FOXP2: variants seen among roughly 807,000 people sequenced by gnomAD.
FOXP2 encodes the protein forkhead box P2.
A neutral mutation model predicts 115.8 loss-of-function variants in FOXP2; 12 were observed. The ratio of observed to expected loss-of-function variants is 0.10; its 90% CI spans 0.07 to 0.17. FOXP2 has a LOEUF of 0.17. Among genes scored for constraint, FOXP2 ranks in the 10% least tolerant of loss-of-function variants. The pLI, the probability that FOXP2 is intolerant of heterozygous loss-of-function variation, is 1.00. For synonymous variants in FOXP2, 328 were observed against 297.7 expected, an observed-to-expected ratio of 1.10 and a Z score of -1.05; for missense variants, 629 against 843.5, an observed-to-expected ratio of 0.75 and a Z score of 3.15.
chr7:114,382,941 A>T (rs977404237), intron 2 of FOXP2, among the ~76,000 whole-genome samples: 1 of 151,268 alleles, frequency 6.6e-6, no homozygotes, highest in Non-Finnish European at 1.5e-5. Flanking sequence ...CACGCAAGTT[A>T]GCAAATGTCT....
chr7:114,348,491 T>G (rs1791401595), intron 2 of FOXP2, among the ~76,000 whole-genome samples: 1 of 152,052 alleles, frequency 6.6e-6, no homozygotes, highest in Admixed American at 6.6e-5. Context: ...AATGATGGTA[T>G]TCTTATGCAT....
chr7:114,553,999 A>G (rs1312399301), intron 3 of FOXP2, among the ~76,000 whole-genome samples: 2 of 152,074 alleles, frequency 1.3e-5, no homozygotes, highest in East Asian at 3.8e-4. Context: ...TATAAACAAA[A>G]TACATATTAC....
chr7:114,229,099 A>G (rs929527354), intron 1 of FOXP2, among the ~76,000 whole-genome samples: 1 of 151,684 alleles, frequency 6.6e-6, no homozygotes, highest in East Asian at 1.9e-4. Context: ...GCAAAGGTAG[A>G]TATACTTATA....
intron 2 of FOXP2, among the ~76,000 whole-genome samples, chr7:114,338,793 TATTTGATGAAAA>T (rs1423993555): frequency 6.7e-6 from 1 of 149,926 alleles, no homozygotes; most frequent in Non-Finnish European, 1.5e-5. Flanking sequence ...TCTACATACA[TATTTGATGAAAA>T]GTTTGATAAT....
intron 2 of FOXP2, among the ~76,000 whole-genome samples, chr7:114,336,564 A>G (rs1186207261): frequency 6.6e-6 from 1 of 151,596 alleles, no homozygotes; most frequent in African/African-American, 2.4e-5. Flanking sequence ...ATCTTGAAAT[A>G]AGGATTTCTT....
At chr7:114,644,909 C>G (rs1005116903) in intron 8 of FOXP2, 120 bp downstream of exon 8, 2 of 768,962 alleles carry the variant, frequency 2.6e-6, no homozygotes, top group African/African-American at 3.5e-5. Context: ...AGTCATACTT[C>G]AAGATTTTTG....
chr7:114,102,034 T>A (rs768718454), intron 1 of FOXP2, among the ~76,000 whole-genome samples: 1 of 151,880 alleles, frequency 6.6e-6, no homozygotes, highest in Non-Finnish European at 1.5e-5. Flanking sequence ...TTAGTTAATA[T>A]TTTTTCCATA....
intron 3 of FOXP2, among the ~76,000 whole-genome samples, chr7:114,611,387 A>G (rs796279429): frequency 3.9e-5 from 6 of 151,954 alleles, no homozygotes; most frequent in African/African-American, 1.4e-4. Context: ...TCTCAACAGT[A>G]TTTTCTTATT....
intron 2 of FOXP2, among the ~76,000 whole-genome samples, chr7:114,485,181 T>C (rs1324917731): frequency 1.3e-5 from 2 of 151,990 alleles, no homozygotes; most frequent in Non-Finnish European, 2.9e-5. Context: ...TACAATTTGG[T>C]CTCAATTAAT....
intron 2 of FOXP2, among the ~76,000 whole-genome samples, chr7:114,458,951 A>T (rs1233308992): frequency 6.6e-6 from 1 of 152,024 alleles, no homozygotes; most frequent in Non-Finnish European, 1.5e-5. Context: ...GGCTGAGGTC[A>T]CTCACGTGGT....
chr7:114,186,075 C>T (rs1793596879), intron 1 of FOXP2, among the ~76,000 whole-genome samples: 1 of 151,946 alleles, frequency 6.6e-6, no homozygotes, highest in South Asian at 2.1e-4. Context: ...GCCTAGTCAC[C>T]TCTTAAAGGC....
chr7:114,566,271 A>C (rs1398814005), intron 3 of FOXP2, among the ~76,000 whole-genome samples: 1 of 152,052 alleles, frequency 6.6e-6, no homozygotes, highest in African/African-American at 2.4e-5. Flanking sequence ...TCATTTTTTC[A>C]CTTTTAAAAT....
rs1480605964 is a variant in FOXP2 at position 114,660,569 on chromosome 7, CAG to C, written c.1647+898_1647+899del. On this transcript the variant is annotated intron_variant, in intron 13 of 16. Coordinates refer to ENST00000350908, the MANE Select transcript of FOXP2 (RefSeq NM_014491.4). ...ATTACAGATATATGGGTGTGAGACT[CAG>C]AATGCTTTTAATTTACAAAATGTTT... is the stretch of plus-strand genomic sequence containing the variant. Among the ~76,000 whole-genome samples the C allele has an allele frequency of 2.6e-5, 4 of 152,212 alleles. No individual in the cohort carries two copies. The East Asian group carries it at 5.8e-4, about 22-fold the overall frequency.
In FOXP2 at chr7:114,308,380, G is replaced by A. The variant is rs137993889; in HGVS notation, c.-11+20271G>A. On this transcript the variant is annotated intron_variant, in intron 2 of 17. Transcript: ENST00000634411. ...TAGTTTGAACTCCCTAGGTCTCCTC[G>A]TAAGTGAGGATTACTTTGGATAAAG... Among the ~76,000 whole-genome samples, 18 of 152,198 alleles carry A rather than the reference G, an allele frequency of 1.2e-4. No individual in the cohort carries two copies. The East Asian group carries it at 1.4e-3, about 11-fold the overall frequency.
intron 2 of FOXP2, among the ~76,000 whole-genome samples, chr7:114,471,159 T>TA (rs1481080794): frequency 1.3e-5 from 2 of 152,190 alleles, no homozygotes; most frequent in Non-Finnish European, 2.9e-5. Flanking sequence ...TTCAACTGTG[T>TA]ATTTCCCACA....
intron 1 of FOXP2, among the ~76,000 whole-genome samples, chr7:114,143,147 CAATAATAATAAT>C (rs77761140): frequency 1.2e-4 from 17 of 139,552 alleles, no homozygotes; most frequent in African/African-American, 3.2e-4. Context: ...GACCCTGTCT[CAATAATAATAAT>C]AATAATAATA....
At chr7:114,096,863 T>C (rs188844091) in intron 1 of FOXP2, among the ~76,000 whole-genome samples, 2 of 152,320 alleles carry the variant, frequency 1.3e-5, no homozygotes, top group Non-Finnish European at 2.9e-5. Context: ...ACATTTCTTA[T>C]GGGAGGATAT....
chr7:114,690,707 C>A lies in FOXP2; in HGVS notation c.*781C>A, dbSNP rs1319012837. The stretch of plus-strand genomic sequence containing the variant: ...TACTCTTTACCTCCTTGTGATAAAG[C>A]TTTGTCTACCTGCAAACACAGTCAA... On this transcript the variant is annotated 3_prime_UTR_variant, in exon 17 of 17. Coordinates refer to ENST00000350908, the MANE Select transcript of FOXP2 (RefSeq NM_014491.4). 1 of 454,510 alleles carries A rather than the reference C, an allele frequency of 2.2e-6. No homozygotes were observed. The highest frequency in any genetic ancestry group is 4.4e-6 in the Non-Finnish European group (1 of 226,780). 28.2% of individuals were successfully genotyped at this position (454,510 alleles called of 1,614,324 possible).
chr7:114,491,961 G>C (rs1380292440), intron 2 of FOXP2, among the ~76,000 whole-genome samples: 1 of 152,066 alleles, frequency 6.6e-6, no homozygotes, highest in Non-Finnish European at 1.5e-5. Flanking sequence ...TTTTTCTATT[G>C]ATTGGAATAG....
Sources: gnomAD v4.1 joint callset for allele counts (sites outside exome capture counted in the v4.1 genomes callset) on GRCh38, gnomAD v4.1.1 for gene constraint, MANE v1.5 for transcripts, NCBI Gene and HGNC (gene_info 2026-07-23, HGNC 2026-07-21) for gene names.